Variants in FSTL5 observed in about 807,000 individuals in gnomAD.
FSTL5 encodes follistatin like 5.
FSTL5 carries 62 observed loss-of-function variants against 89.1 expected under a neutral mutation model. The observed-to-expected ratio is 0.70, with a 90% confidence interval of 0.57 to 0.86. The LOEUF is 0.86. FSTL5 is among the 40% of genes least tolerant of loss of function. FSTL5 has a pLI of 0.00. For synonymous variants in FSTL5, 383 were observed against 346.2 expected (o/e 1.11, Z -1.18); for missense variants, 1,057 against 1,001.6 (o/e 1.06, Z -0.75).
chr4:161,623,041 A>AATT, intron 7 of FSTL5, among the ~76,000 whole-genome samples: 1 of 152,218 alleles, frequency 6.6e-6, no homozygotes, highest in Middle Eastern at 3.4e-3. Flanking sequence ...CTATCTCAAT[A>AATT]ACTGCTGAAA....
At chr4:161,476,192 T>TTTTG (rs1560913684) in intron 13 of FSTL5, among the ~76,000 whole-genome samples, 1 of 113,600 alleles carries the variant, frequency 8.8e-6, no homozygotes, top group Admixed American at 1.0e-4. Context: ...TTTTTTTGTT[T>TTTTG]GTTTGTTTTT....
At chr4:161,672,887 C>G (rs1737169137) in intron 6 of FSTL5, among the ~76,000 whole-genome samples, 1 of 151,898 alleles carries the variant, frequency 6.6e-6, no homozygotes, top group South Asian at 2.1e-4. Flanking sequence ...CTTTTAATTA[C>G]TCTAAATATG....
At chr4:161,671,371 C>T (rs553869572) in intron 6 of FSTL5, among the ~76,000 whole-genome samples, 66 of 152,278 alleles carry the variant, frequency 4.3e-4, no homozygotes, top group African/African-American at 1.5e-3. Flanking sequence ...ATACCCGTTT[C>T]TTACTGTTAT....
intron 2 of FSTL5, among the ~76,000 whole-genome samples, chr4:162,050,262 A>C (rs1484375139): frequency 6.6e-6 from 1 of 151,584 alleles, no homozygotes; most frequent in African/African-American, 2.4e-5. Flanking sequence ...ACTAATTACA[A>C]ATATATTCTG....
chr4:161,920,370 G>A (rs1198383237), intron 4 of FSTL5, 34 bp downstream of exon 4: 2 of 1,597,390 alleles, frequency 1.3e-6, no homozygotes, highest in African/African-American at 1.3e-5. Context: ...AAGAAATAGA[G>A]TGGGGTGACA....
chr4:162,118,586 G>C (rs999928903), intron 1 of FSTL5, among the ~76,000 whole-genome samples: 1 of 152,210 alleles, frequency 6.6e-6, no homozygotes, highest in African/African-American at 2.4e-5. Flanking sequence ...CCCTCTTTCA[G>C]AGAAGTGGAT....
intron 7 of FSTL5, among the ~76,000 whole-genome samples, chr4:161,619,170 A>G (rs1447812846): frequency 6.6e-6 from 1 of 152,168 alleles, no homozygotes; most frequent in East Asian, 1.9e-4. Flanking sequence ...CCATCCTTAC[A>G]CCTTATACAA....
At chr4:161,407,453 C>T (rs555429478) in intron 15 of FSTL5, among the ~76,000 whole-genome samples, 1 of 152,144 alleles carries the variant, frequency 6.6e-6, no homozygotes, top group Non-Finnish European at 1.5e-5. Flanking sequence ...GCATGAGATG[C>T]CTGAACACTA....
At chr4:161,457,329 C>A (rs904564032) in intron 14 of FSTL5, among the ~76,000 whole-genome samples, 1 of 152,292 alleles carries the variant, frequency 6.6e-6, no homozygotes, top group Non-Finnish European at 1.5e-5. Flanking sequence ...TCACTTGTGA[C>A]ATTTACCTTC....
At chr4:161,854,954 G>A (rs1420113965) in intron 4 of FSTL5, among the ~76,000 whole-genome samples, 2 of 107,334 alleles carry the variant, frequency 1.9e-5, no homozygotes, top group African/African-American at 6.6e-5. Flanking sequence ...TGTTGGTTAA[G>A]TCAATCTTCA....
intron 10 of FSTL5, among the ~76,000 whole-genome samples, chr4:161,520,631 A>C (rs749074201): frequency 2.6e-5 from 4 of 152,186 alleles, no homozygotes; most frequent in Non-Finnish European, 5.9e-5. Context: ...TGTGGTTGGA[A>C]CAAAGGAAAA....
At chr4:161,991,149 G>A (rs1210245285) in intron 3 of FSTL5, among the ~76,000 whole-genome samples, 3 of 152,094 alleles carry the variant, frequency 2.0e-5, no homozygotes, top group African/African-American at 7.2e-5. Flanking sequence ...AAAATACCAT[G>A]TTTTAATTTC....
chr4:161,444,038 TGA>T (rs1270880382), intron 15 of FSTL5, among the ~76,000 whole-genome samples: 2 of 151,982 alleles, frequency 1.3e-5, no homozygotes, highest in Non-Finnish European at 2.9e-5. Context: ...GACAAAAATC[TGA>T]GTTTTTATTT....
chr4:162,053,337 A>C (rs528045115), intron 2 of FSTL5, among the ~76,000 whole-genome samples: 11 of 151,786 alleles, frequency 7.2e-5, no homozygotes, highest in Non-Finnish European at 1.5e-4. Flanking sequence ...AGTCACAAAA[A>C]CTCAAGAAAT....
At chr4:161,396,385 T>C (rs951147280) in intron 15 of FSTL5, among the ~76,000 whole-genome samples, 4 of 151,272 alleles carry the variant, frequency 2.6e-5, no homozygotes, top group African/African-American at 9.7e-5. Flanking sequence ...CTCATGCCTG[T>C]AATCCCAGCA....
intron 15 of FSTL5, among the ~76,000 whole-genome samples, chr4:161,388,597 G>A (rs1008255941): frequency 1.3e-5 from 2 of 152,078 alleles, no homozygotes; most frequent in South Asian, 4.2e-4. Flanking sequence ...CAACCATTAA[G>A]GATGTATAGG....
At chr4:161,768,073 A>G (rs1220951619) in intron 5 of FSTL5, among the ~76,000 whole-genome samples, 1 of 152,128 alleles carries the variant, frequency 6.6e-6, no homozygotes, top group African/African-American at 2.4e-5. Context: ...AACCCTCAAG[A>G]GAGGGCTAAA....
intron 13 of FSTL5, among the ~76,000 whole-genome samples, chr4:161,463,542 C>T (rs1733650086): frequency 6.6e-6 from 1 of 152,094 alleles, no homozygotes; most frequent in Non-Finnish European, 1.5e-5. Context: ...GTCAGAAAAG[C>T]CAGTATGTTA....
chr4:162,151,618 A>G (rs1733228709), intron 1 of FSTL5, among the ~76,000 whole-genome samples: 1 of 152,164 alleles, frequency 6.6e-6, no homozygotes, highest in African/African-American at 2.4e-5. Context: ...TTTCTGGATC[A>G]AGAGCCCAGT....
Sources: gnomAD v4.1 joint callset for allele counts (sites outside exome capture counted in the v4.1 genomes callset) on GRCh38, gnomAD v4.1.1 for gene constraint, MANE v1.5 for transcripts, NCBI Gene and HGNC (gene_info 2026-07-23, HGNC 2026-07-21) for gene names.